The following FREM1 variants were observed in gnomAD, a reference collection of about 807,000 sequenced individuals.
FREM1 encodes FRAS1 related extracellular matrix 1.
Under a neutral mutation model 210.1 loss-of-function variants are expected in FREM1, and 220 were observed. The ratio of observed to expected loss-of-function variants is 1.05; its 90% CI spans 0.94 to 1.17. The LOEUF (loss-of-function observed/expected upper bound fraction) is 1.17, where lower values mean the gene tolerates loss of function less well. FREM1 is among the 50% of genes most tolerant of loss of function. The pLI is 0.00. For missense variants in FREM1, 3,454 were observed against 2,675.5 expected, an observed-to-expected ratio of 1.29 and a Z score of -6.42; for synonymous variants, 1,189 against 980.2, an observed-to-expected ratio of 1.21 and a Z score of -3.98.
intron 21 of FREM1, among the ~76,000 whole-genome samples, chr9:14,793,426 T>G (rs1851769762): frequency 6.6e-6 from 1 of 152,228 alleles, no homozygotes; most frequent in African/African-American, 2.4e-5. Context: ...GTGTTCTTGT[T>G]GTAGATTCAT....
intron 30 of FREM1, 86 bp downstream of exon 30, chr9:14,750,041 G>T: frequency 7.6e-7 from 1 of 1,312,942 alleles, no homozygotes; most frequent in Non-Finnish European, 1.1e-6. Context: ...TTGATTTGAA[G>T]GTGTTATCAA....
At chr9:14,825,062 A>G in intron 10 of FREM1, 70 bp from the exon 11 acceptor site, 1 of 990,154 alleles carries the variant, frequency 1.0e-6, no homozygotes. Flanking sequence ...CCCCACAATC[A>G]CCTAGTCACA....
chr9:14,839,653 T>C (rs66505117), intron 10 of FREM1, among the ~76,000 whole-genome samples: 16,037 of 152,200 alleles, frequency 0.11, 1,337 homozygotes, highest in East Asian at 0.43. Flanking sequence ...TATGCTGCAC[T>C]AAAGTTTTCA....
In FREM1 at chr9:14,886,047, ACAACTTTTTCACAACT is replaced by A. The variant is rs1286149046; in HGVS notation, c.-267-16819_-267-16804del. 5.5e-4 allele frequency among the ~76,000 whole-genome samples: 83 copies of A among 152,280 alleles called. No individual in the cohort carries two copies. The East Asian group carries it at 0.016, about 29-fold the overall frequency. ...CCTTCTACTCTCTACTTCTATGAGA[ACAACTTTTTCACAACT>A]TTAGGTCTTACAAGTACCCTAAAGT... On this transcript the variant is annotated intron_variant, in intron 1 of 36. Transcript: ENST00000380880.
In FREM1 at chr9:14,860,556, CACACATATATAT is replaced by C. The variant is rs770521618; in HGVS notation, c.330-1084_330-1073del. On this transcript the variant is annotated intron_variant, in intron 3 of 36. Transcript: ENST00000380880. ...ATGTATATATATACACATATATATA[CACACATATATAT>C]ACACATATATATACACATATATATA... Among the ~76,000 whole-genome samples, 35 of 63,188 alleles carry C rather than the reference CACACATATATAT, an allele frequency of 5.5e-4. 5 individuals carry two copies. Among genetic ancestry groups the C allele is most frequent in the South Asian group, 2.2e-3 (5 of 2,306 alleles). The allele number at this position is 63,188 out of a possible 152,430, so 41.5% of individuals were successfully genotyped here.
intron 3 of FREM1, among the ~76,000 whole-genome samples, chr9:14,861,010 T>TACATATATAC (rs1432526329): frequency 8.8e-6 from 1 of 113,706 alleles, no homozygotes; most frequent in Non-Finnish European, 1.6e-5. Context: ...TACACATATA[T>TACATATATAC]ACATATATAC....
At chr9:14,790,113 G>C (rs1430978916) in intron 22 of FREM1, among the ~76,000 whole-genome samples, 1 of 152,092 alleles carries the variant, frequency 6.6e-6, no homozygotes, top group Non-Finnish European at 1.5e-5. Flanking sequence ...CCTAAACAAT[G>C]GGGGCTCTGG....
chr9:14,851,928 A>G (rs1428067828), intron 5 of FREM1, among the ~76,000 whole-genome samples: 2 of 152,202 alleles, frequency 1.3e-5, no homozygotes, highest in African/African-American at 4.8e-5. Context: ...TTATCATTCT[A>G]TCTCCAACAC....
chr9:14,873,589 C>G (rs906599151), intron 1 of FREM1, among the ~76,000 whole-genome samples: 4 of 151,864 alleles, frequency 2.6e-5, no homozygotes, highest in Non-Finnish European at 4.4e-5. Context: ...AGGGGTCTAT[C>G]AATTTTGTTG....
chr9:14,865,699 GCA>G (rs1831392518), intron 2 of FREM1, among the ~76,000 whole-genome samples: 1 of 149,808 alleles, frequency 6.7e-6, no homozygotes, highest in Non-Finnish European at 1.5e-5. Flanking sequence ...GTGTGTGTGT[GCA>G]CATGCACTTA....
intron 1 of FREM1, among the ~76,000 whole-genome samples, chr9:14,888,926 T>A (rs576818541): frequency 1.3e-5 from 2 of 149,998 alleles, no homozygotes; most frequent in African/African-American, 5.1e-5. Flanking sequence ...AGAAAAAAAA[T>A]ATCCTTTTCA....
chr9:14,781,573 G>A (rs7868213), intron 24 of FREM1, among the ~76,000 whole-genome samples: 4,505 of 152,126 alleles, frequency 0.03, 204 homozygotes, highest in African/African-American at 0.1. Flanking sequence ...TTAGTTTTAT[G>A]GTATTTATAG....
At chr9:14,789,843 A>G (rs768761538) in intron 22 of FREM1, among the ~76,000 whole-genome samples, 1 of 152,198 alleles carries the variant, frequency 6.6e-6, no homozygotes, top group Non-Finnish European at 1.5e-5. Flanking sequence ...GTGGCTAACA[A>G]CTGACAGTGT....
chr9:14,737,373 G>A lies in FREM1; in HGVS notation c.*23C>T, dbSNP rs560695773. 2.9e-5 allele frequency: 45 copies of A among 1,574,404 alleles called. 1 individual carries two copies. In the African/African-American group the frequency reaches 4.6e-4, roughly 16 times the overall value. ...ATAAATAGGTGACAAACTCCAGGTG[G>A]CCCCCTGTAGGGTCTGTTATATTTA... is the stretch of plus-strand genomic sequence containing the variant. On this transcript the variant is annotated 3_prime_UTR_variant, in exon 37 of 37. Transcript: ENST00000380880.
chr9:14,799,476 A>C (rs962290477), intron 20 of FREM1, among the ~76,000 whole-genome samples: 16 of 152,284 alleles, frequency 1.1e-4, no homozygotes, highest in Admixed American at 1.0e-3. Context: ...ATATCAACCC[A>C]AATACTAATT....
intron 24 of FREM1, among the ~76,000 whole-genome samples, chr9:14,778,928 T>G (rs1299656293): frequency 6.6e-6 from 1 of 152,082 alleles, no homozygotes; most frequent in Non-Finnish European, 1.5e-5. Flanking sequence ...TAGAAAAATA[T>G]GTCTGTTCTT....
chr9:14,884,094 T>C (rs1299000409), intron 1 of FREM1, among the ~76,000 whole-genome samples: 1 of 152,086 alleles, frequency 6.6e-6, no homozygotes, highest in African/African-American at 2.4e-5. Flanking sequence ...CCGGGCGTGG[T>C]GGTGGGTGCC....
intron 15 of FREM1, among the ~76,000 whole-genome samples, chr9:14,815,249 G>A (rs1357208947): frequency 6.6e-6 from 1 of 151,926 alleles, no homozygotes; most frequent in East Asian, 1.9e-4. Flanking sequence ...GGAGATGCCA[G>A]CCCAAGACTA....
chr9:14,823,170 T>G lies in FREM1; in HGVS notation c.2327A>C (p.Gln776Pro). ...FNITILPVDN[Q>P]VPEAFTNPLK... The stretch of plus-strand genomic sequence containing the variant: ...GAACATTGTACATACCTCAGGAACT[T>G]GATTGTCCACTGGGAGGATTGTAAT... Residue 776 changes from glutamine to proline, a missense_variant, in exon 13 of 37, where the codon CAA (glutamine) becomes CCA (proline). Physicochemically the swap from Gln to Pro is moderately conservative, Grantham distance 76 (BLOSUM62 -1). Coordinates refer to ENST00000380880, the MANE Select transcript of FREM1 (RefSeq NM_001379081.2). 8 of 1,613,522 alleles carry G rather than the reference T, an allele frequency of 5.0e-6. No homozygotes were observed. Among genetic ancestry groups the G allele is most frequent in the Non-Finnish European group, 6.8e-6 (8 of 1,179,526 alleles).
Sources: gnomAD v4.1 joint callset for allele counts (sites outside exome capture counted in the v4.1 genomes callset) on GRCh38, gnomAD v4.1.1 for gene constraint, MANE v1.5 for transcripts, NCBI Gene and HGNC (gene_info 2026-07-23, HGNC 2026-07-21) for gene names.